Variants in FARP1 observed in about 807,000 individuals in gnomAD.
FARP1 encodes the protein FERM, ARH/RhoGEF and pleckstrin domain protein 1, also known as FERM, ARHGEF and pleckstrin domain-containing protein 1.
FARP1 carries 52 observed loss-of-function variants against 128.8 expected under a neutral mutation model. The observed-to-expected ratio is 0.40, with a 90% CI of 0.32 to 0.51. FARP1 has a LOEUF of 0.51. Among genes scored for constraint, FARP1 ranks in the 20% least tolerant of loss-of-function variants. FARP1 has a pLI of 0.45. For missense variants in FARP1, 1,333 were observed against 1,367.9 expected (o/e 0.97, Z 0.40); for synonymous variants, 580 against 551.8 (o/e 1.05, Z -0.72).
intron 2 of FARP1, among the ~76,000 whole-genome samples, chr13:98,222,706 C>G (rs1339465524): frequency 3.3e-5 from 5 of 151,790 alleles, no homozygotes; most frequent in Admixed American, 2.6e-4. Context: ...ACTGCAACCT[C>G]CGCCTCCCGG....
intron 5 of FARP1, among the ~76,000 whole-genome samples, chr13:98,368,714 A>G (rs1476081018): frequency 6.6e-6 from 1 of 152,250 alleles, no homozygotes. Context: ...CCCCTATTAC[A>G]GTGTGGACTC....
At chr13:98,159,472 A>AT (rs200328845) in intron 1 of FARP1, 22,932 of 135,420 alleles carry the variant, frequency 0.17, 2,129 homozygotes, top group Middle Eastern at 0.3. Flanking sequence ...TTTAATTGTG[A>AT]TTTTTTTTTT....
intron 3 of FARP1, among the ~76,000 whole-genome samples, chr13:98,358,934 GCT>G (rs942735767): frequency 5.3e-5 from 8 of 152,152 alleles, no homozygotes; most frequent in African/African-American, 1.9e-4. Context: ...ACCGCGCACG[GCT>G]CTTTCTTTTT....
chr13:98,302,381 A>G (rs1594376307), intron 2 of FARP1, among the ~76,000 whole-genome samples: 1 of 151,724 alleles, frequency 6.6e-6, no homozygotes, highest in Non-Finnish European at 1.5e-5. Flanking sequence ...AACCTCCCAC[A>G]CTCATCTTTT....
At chr13:98,290,100 G>C (rs927658614) in intron 2 of FARP1, among the ~76,000 whole-genome samples, 9 of 150,856 alleles carry the variant, frequency 6.0e-5, no homozygotes, top group African/African-American at 2.2e-4. Context: ...GGAGTGGTGA[G>C]GTTGGGAAGG....
intron 1 of FARP1, among the ~76,000 whole-genome samples, chr13:98,168,847 T>C (rs1877458286): frequency 6.6e-6 from 1 of 152,136 alleles, no homozygotes; most frequent in Admixed American, 6.5e-5. Flanking sequence ...TGTTCAGGTG[T>C]CCTGTACTTC....
intron 1 of FARP1, among the ~76,000 whole-genome samples, chr13:98,172,865 T>C (rs1482543046): frequency 6.6e-6 from 1 of 152,190 alleles, no homozygotes; most frequent in Non-Finnish European, 1.5e-5. Context: ...TTCTGAAAGC[T>C]AGGATGAGAG....
At chr13:98,214,915 C>G (rs1880970871) in intron 2 of FARP1, among the ~76,000 whole-genome samples, 1 of 152,182 alleles carries the variant, frequency 6.6e-6, no homozygotes, top group Non-Finnish European at 1.5e-5. Flanking sequence ...TGTTGCCAGA[C>G]TGGTTCAGTG....
At chr13:98,444,559 C>A (rs1233573450) in intron 24 of FARP1, among the ~76,000 whole-genome samples, 1 of 152,192 alleles carries the variant, frequency 6.6e-6, no homozygotes, top group South Asian at 2.1e-4. Flanking sequence ...GCCCGTAACA[C>A]GCTGGAGGCC....
At chr13:98,403,693 A>G (rs1890861364) in intron 13 of FARP1, 1 of 152,200 alleles carries the variant, frequency 6.6e-6, no homozygotes. Context: ...ATGGCGGAAC[A>G]ATGAAGTACG....
chr13:98,209,199 A>G (rs1160297527), intron 1 of FARP1, among the ~76,000 whole-genome samples: 3 of 151,960 alleles, frequency 2.0e-5, no homozygotes, highest in Admixed American at 6.5e-5. Flanking sequence ...TAGTAGAGAC[A>G]GGGTTTCGCC....
chr13:98,362,056 G>A (rs1888895965), intron 3 of FARP1, among the ~76,000 whole-genome samples: 1 of 152,186 alleles, frequency 6.6e-6, no homozygotes, highest in Admixed American at 6.5e-5. Flanking sequence ...TTGAGCCCAG[G>A]ATTTCGAGAC....
rs1172429694 is a variant in FARP1, at chr13:98,450,351, AACTG to A, written c.*2037_*2040del. 3 of 152,230 alleles carry A rather than the reference AACTG, an allele frequency of 2.0e-5. No individual in the cohort carries two copies. Among genetic ancestry groups the A allele is most frequent in the African/African-American group, 7.2e-5 (3 of 41,454 alleles). 9.4% of individuals were successfully genotyped at this position (152,230 alleles called of 1,614,324 possible). A position where few individuals can be genotyped will look rare whatever the true frequency, so the allele number is the denominator to read the frequency against. On this transcript the variant is annotated 3_prime_UTR_variant, in exon 27 of 27. Transcript: ENST00000319562. ...GAGGGAAATATAAAAAATGTTTATA[AACTG>A]ACAGTGTTTTGCCAGAGGAAAGGTA...
intron 2 of FARP1, among the ~76,000 whole-genome samples, chr13:98,309,810 C>T (rs1221194403): frequency 1.3e-5 from 2 of 152,196 alleles, no homozygotes; most frequent in East Asian, 1.9e-4. Context: ...AAACTCGAAA[C>T]GGTGGGTGAA....
chr13:98,245,664 G>A (rs1287958460), intron 2 of FARP1, among the ~76,000 whole-genome samples: 1 of 152,198 alleles, frequency 6.6e-6, no homozygotes, highest in African/African-American at 2.4e-5. Context: ...TTTAGAAGAA[G>A]AACTTGTTTT....
intron 1 of FARP1, among the ~76,000 whole-genome samples, chr13:98,161,737 C>T (rs1876900518): frequency 6.6e-6 from 1 of 152,012 alleles, no homozygotes; most frequent in Admixed American, 6.6e-5. Context: ...CTTTTTCTCT[C>T]TTTCTTTCCT....
intron 2 of FARP1, among the ~76,000 whole-genome samples, chr13:98,227,465 A>AC (rs936717589): frequency 3.3e-5 from 5 of 151,502 alleles, no homozygotes; most frequent in Admixed American, 6.6e-5. Flanking sequence ...AAAAAAAAAA[A>AC]CAGAAAAAAA....
intron 2 of FARP1, among the ~76,000 whole-genome samples, chr13:98,241,337 AG>A (rs78178624): frequency 6.6e-6 from 1 of 151,794 alleles, no homozygotes; most frequent in Non-Finnish European, 1.5e-5. Context: ...AAGCACCTCC[AG>A]GGGAGTGTGG....
At chr13:98,224,949 A>G (rs1881671962) in intron 2 of FARP1, among the ~76,000 whole-genome samples, 1 of 152,034 alleles carries the variant, frequency 6.6e-6, no homozygotes, top group African/African-American at 2.4e-5. Flanking sequence ...CCCTTCACCT[A>G]CAGGACATGG....
Sources: allele counts gnomAD v4.1 joint callset (sites outside exome capture counted in the v4.1 genomes callset), GRCh38; gene constraint gnomAD v4.1.1; transcripts MANE v1.5; gene names NCBI Gene and HGNC (gene_info 2026-07-23, HGNC 2026-07-21).